Variants in TMTC2 observed in about 807,000 individuals in gnomAD.
The protein encoded by TMTC2 is transmembrane O-mannosyltransferase targeting cadherins 2.
A neutral mutation model predicts 82.4 loss-of-function variants in TMTC2; 43 were observed. That is an observed-to-expected ratio of 0.52 (90% CI 0.41 to 0.67). The LOEUF (loss-of-function observed/expected upper bound fraction) is 0.67, where lower values mean the gene tolerates loss of function less well. Among genes scored for constraint, TMTC2 ranks in the 30% least tolerant of loss-of-function variants. TMTC2 has a pLI of 0.00. For synonymous variants in TMTC2, 408 were observed against 381.9 expected, an observed-to-expected ratio of 1.07 and a Z score of -0.80; for missense variants, 919 against 1,012.4, an observed-to-expected ratio of 0.91 and a Z score of 1.25.
At chr12:82,899,696 A>AAATATATATATGTGGAATATATATATAAG (rs1305135627) in intron 3 of TMTC2, among the ~76,000 whole-genome samples, 2 of 130,252 alleles carry the variant, frequency 1.5e-5, no homozygotes, top group African/African-American at 3.4e-5. Context: ...ATATATAAGA[A>AAATATATATATGTGGAATATATATATAAG]AATATATATA....
chr12:82,737,123 T>C (rs1875166422), intron 1 of TMTC2, among the ~76,000 whole-genome samples: 1 of 152,182 alleles, frequency 6.6e-6, no homozygotes, highest in Non-Finnish European at 1.5e-5. Context: ...CTATAAGCAT[T>C]AAATGAGCAA....
At chr12:82,930,163 T>A (rs1278579783) in intron 3 of TMTC2, among the ~76,000 whole-genome samples, 2 of 152,204 alleles carry the variant, frequency 1.3e-5, no homozygotes, top group Admixed American at 1.3e-4. Flanking sequence ...TTGTAGGTGA[T>A]CTTAAGATAA....
At chr12:82,795,207 A>T (rs1269665731) in intron 1 of TMTC2, among the ~76,000 whole-genome samples, 1 of 147,874 alleles carries the variant, frequency 6.8e-6, no homozygotes, top group East Asian at 2.1e-4. Flanking sequence ...CAGGAGGCTG[A>T]GGTGGGCGAA....
intron 3 of TMTC2, among the ~76,000 whole-genome samples, chr12:82,898,325 A>G (rs1873784555): frequency 6.6e-6 from 1 of 152,182 alleles, no homozygotes; most frequent in Admixed American, 6.5e-5. Context: ...TGGTAGATGT[A>G]AGGTTATAGA....
At chr12:83,076,958 T>A (rs1883301267) in intron 11 of TMTC2, among the ~76,000 whole-genome samples, 1 of 152,222 alleles carries the variant, frequency 6.6e-6, no homozygotes, top group African/African-American at 2.4e-5. Flanking sequence ...ATAGATTAAT[T>A]TCTATTGAAA....
chr12:82,924,224 T>C (rs1592631010), intron 3 of TMTC2, among the ~76,000 whole-genome samples: 1 of 152,318 alleles, frequency 6.6e-6, no homozygotes, highest in African/African-American at 2.4e-5. Context: ...CATCTCATTA[T>C]ATGACCTATT....
At position 82,852,375 on chromosome 12, in the gene TMTC2, G is replaced by C. The variant is rs982000165; in HGVS notation, c.84-4635G>C. ...ATCGTCCTCGGCCTCCCAAAGTGCTGTGATTACAGGCGTGAGCCACCGCGC... is the reference window on the plus strand; with the variant it reads ...ATCGTCCTCGGCCTCCCAAAGTGCTCTGATTACAGGCGTGAGCCACCGCGC... On this transcript the variant is annotated intron_variant, in intron 1 of 11. Transcript: ENST00000321196. 3.0e-4 allele frequency among the ~76,000 whole-genome samples: 46 copies of C among 152,096 alleles called. 1 individual carries two copies. The highest frequency in any genetic ancestry group is 2.9e-5 in the Non-Finnish European group (2 of 68,002).
intron 8 of TMTC2, among the ~76,000 whole-genome samples, chr12:83,002,807 CTT>C (rs1342283998): frequency 2.0e-5 from 3 of 149,676 alleles, no homozygotes; most frequent in Non-Finnish European, 4.4e-5. Context: ...TTTATTGAGA[CTT>C]GTGTATGGCT....
chr12:82,701,777 A>G (rs1217394967), intron 1 of TMTC2, among the ~76,000 whole-genome samples: 2 of 151,788 alleles, frequency 1.3e-5, no homozygotes, highest in Non-Finnish European at 2.9e-5. Flanking sequence ...AAAAAAAGAA[A>G]AAAAGAATAT....
chr12:82,741,798 G>T (rs17779858), intron 1 of TMTC2, among the ~76,000 whole-genome samples: 8,299 of 152,230 alleles, frequency 0.055, 299 homozygotes, highest in Admixed American at 0.087. Flanking sequence ...TCATGTATAT[G>T]GGGGAGGAAG....
At chr12:82,721,477 T>C (rs1028713617) in intron 1 of TMTC2, among the ~76,000 whole-genome samples, 9 of 152,216 alleles carry the variant, frequency 5.9e-5, no homozygotes, top group Non-Finnish European at 2.9e-5. Flanking sequence ...AATTAAAAAA[T>C]AAAACTAGAA....
intron 11 of TMTC2, among the ~76,000 whole-genome samples, chr12:83,117,259 A>G (rs112185186): frequency 2.6e-5 from 4 of 152,168 alleles, no homozygotes; most frequent in African/African-American, 9.7e-5. Context: ...AACCCTCCCT[A>G]ATTCATTCTA....
At chr12:82,749,824 G>A (rs1875887428) in intron 1 of TMTC2, among the ~76,000 whole-genome samples, 1 of 143,318 alleles carries the variant, frequency 7.0e-6, no homozygotes, top group Non-Finnish European at 1.5e-5. Flanking sequence ...TGCAACCTCC[G>A]CCTCCCGGGT....
rs150785115 is a variant in TMTC2, at chr12:82,846,271, T to C, written c.84-10739T>C. Among the ~76,000 whole-genome samples, 672 of 152,160 alleles carry C rather than the reference T, an allele frequency of 4.4e-3. 12 individuals carry two copies. Among genetic ancestry groups the C allele is most frequent in the African/African-American group, 0.016 (650 of 41,476 alleles). ...TACTTGGGAGGCTGAGGCAGGAGAA[T>C]CGCTTGAACCCAGGAGGCGGAGGTT... On this transcript the variant is annotated intron_variant, in intron 1 of 11. Transcript: ENST00000321196.
chr12:83,013,204 G>T (rs1880537153), intron 8 of TMTC2, among the ~76,000 whole-genome samples: 1 of 152,012 alleles, frequency 6.6e-6, no homozygotes, highest in Admixed American at 6.5e-5. Flanking sequence ...GAAATGTGAG[G>T]ATTTTTTAAT....
At chr12:82,699,351 A>C (rs1057156002) in intron 1 of TMTC2, among the ~76,000 whole-genome samples, 4 of 152,206 alleles carry the variant, frequency 2.6e-5, no homozygotes, top group Non-Finnish European at 5.9e-5. Flanking sequence ...TATTTTGAAT[A>C]GGCATTCTGG....
At chr12:82,775,119 C>T (rs1020299193) in intron 1 of TMTC2, among the ~76,000 whole-genome samples, 4 of 151,930 alleles carry the variant, frequency 2.6e-5, no homozygotes, top group Admixed American at 2.6e-4. Flanking sequence ...AAAGCAGGGG[C>T]TCCTTACTTT....
At chr12:82,695,518 C>T (rs1375910611) in intron 1 of TMTC2, among the ~76,000 whole-genome samples, 1 of 152,156 alleles carries the variant, frequency 6.6e-6, no homozygotes, top group Non-Finnish European at 1.5e-5. Context: ...AGTCAAAATA[C>T]TTTGTGAAAA....
intron 1 of TMTC2, among the ~76,000 whole-genome samples, chr12:82,815,748 C>G (rs866000783): frequency 6.6e-6 from 1 of 151,930 alleles, no homozygotes; most frequent in Non-Finnish European, 1.5e-5. Context: ...AGGTGTGACC[C>G]GGCAAATCTA....
Sources: allele counts gnomAD v4.1 joint callset (sites outside exome capture counted in the v4.1 genomes callset), GRCh38; gene constraint gnomAD v4.1.1; transcripts MANE v1.5; gene names NCBI Gene and HGNC (gene_info 2026-07-23, HGNC 2026-07-21).